The following WRN variants were observed in gnomAD, a reference collection of about 807,000 sequenced individuals.
WRN encodes bifunctional 3'-5' exonuclease/ATP-dependent helicase WRN.
A neutral mutation model predicts 180.7 loss-of-function variants in WRN; 149 were observed. The ratio of observed to expected loss-of-function variants is 0.82; its 90% CI spans 0.72 to 0.94. The LOEUF is 0.94. WRN is among the 40% of genes least tolerant of loss of function. The pLI, the probability that WRN is intolerant of heterozygous loss-of-function variation, is 0.00. For missense variants in WRN, 1,661 were observed against 1,700.1 expected (o/e 0.98, Z 0.40); for synonymous variants, 548 against 568.9 (o/e 0.96, Z 0.52).
chr8:31,114,080 G>T (rs956651096), intron 19 of WRN, among the ~76,000 whole-genome samples: 1 of 152,092 alleles, frequency 6.6e-6, no homozygotes, highest in African/African-American at 2.4e-5. Context: ...ACCATTGAGA[G>T]TCAGAATGCT....
intron 34 of WRN, 100 bp from the exon 35 acceptor site, chr8:31,172,895 G>T: frequency 1.0e-6 from 1 of 961,794 alleles, no homozygotes; most frequent in Non-Finnish European, 1.6e-6. Context: ...GGGGGAGAAA[G>T]GATGGGTGTG....
At chr8:31,150,266 C>A in intron 30 of WRN, 75 bp from the exon 31 acceptor site, 1 of 1,192,116 alleles carries the variant, frequency 8.4e-7, no homozygotes, top group Non-Finnish European at 1.3e-6. Context: ...TGAACATCAG[C>A]TATATTGCTG....
At chr8:31,124,260 A>G (rs1434077139) in intron 21 of WRN, among the ~76,000 whole-genome samples, 2 of 152,104 alleles carry the variant, frequency 1.3e-5, no homozygotes, top group Admixed American at 1.3e-4. Flanking sequence ...CAAAGCAGCT[A>G]AAGAATTGAT....
chr8:31,094,811 A>G (rs1357532391), intron 16 of WRN, among the ~76,000 whole-genome samples: 1 of 152,110 alleles, frequency 6.6e-6, no homozygotes, highest in Non-Finnish European at 1.5e-5. Context: ...GTCTTTTTTT[A>G]TGACTGAATA....
At chr8:31,143,515 CT>C (rs35758300) in intron 27 of WRN, 34 bp from the exon 28 acceptor site, 7 of 1,461,080 alleles carry the variant, frequency 4.8e-6, no homozygotes, top group African/African-American at 1.4e-5. Flanking sequence ...TTTTTTGAAA[CT>C]TTTTTTAATG....
intron 24 of WRN, 148 bp from the exon 25 acceptor site, chr8:31,141,282 G>C: frequency 1.1e-6 from 1 of 914,514 alleles, no homozygotes; most frequent in Non-Finnish European, 1.7e-6. Flanking sequence ...GGAGTGTTCA[G>C]AATGAGCACG....
intron 30 of WRN, among the ~76,000 whole-genome samples, chr8:31,149,456 T>G (rs1475755599): frequency 1.6e-3 from 3 of 1,888 alleles, no homozygotes; most frequent in Non-Finnish European, 4.2e-3. Flanking sequence ...AATAGAGGTG[T>G]TTTTTTTTTT....
chr8:31,092,084 GAAA>G (rs1357828230), intron 16 of WRN, among the ~76,000 whole-genome samples, 186 bp downstream of exon 16: 1 of 150,094 alleles, frequency 6.7e-6, no homozygotes, highest in Non-Finnish European at 1.5e-5. Flanking sequence ...CTAAATGCAT[GAAA>G]AAAAAAGTCC....
chr8:31,055,086 A>G (rs1812218002), intron 1 of WRN, among the ~76,000 whole-genome samples: 1 of 152,108 alleles, frequency 6.6e-6, no homozygotes, highest in African/African-American at 2.4e-5. Context: ...ATTCCATTTT[A>G]TATGTACCAC....
At chr8:31,151,902 T>A (rs78005222) in intron 31 of WRN, among the ~76,000 whole-genome samples, 437 of 83,174 alleles carry the variant, frequency 5.3e-3, no homozygotes, top group Middle Eastern at 0.013. Flanking sequence ...TAGCCTTTTA[T>A]TTTTTTTTTA....
chr8:31,152,032 A>G (rs1403182381), intron 31 of WRN, among the ~76,000 whole-genome samples: 1 of 152,146 alleles, frequency 6.6e-6, no homozygotes, highest in Non-Finnish European at 1.5e-5. Flanking sequence ...TTATATAAAT[A>G]CATTTTTTGA....
At chr8:31,161,573 T>C (rs1803616891) in intron 33 of WRN, among the ~76,000 whole-genome samples, 1 of 152,164 alleles carries the variant, frequency 6.6e-6, no homozygotes, top group African/African-American at 2.4e-5. Flanking sequence ...GCATGGTGGC[T>C]CACGCCTGTA....
At chr8:31,166,960 A>C in intron 33 of WRN, 62 bp from the exon 34 acceptor site, 1 of 1,487,226 alleles carries the variant, frequency 6.7e-7, no homozygotes, top group Non-Finnish European at 9.3e-7. Context: ...TTTCTAGCTC[A>C]TAGGTTTTCT....
At chr8:31,076,123 T>TA in intron 7 of WRN, 50 bp from the exon 8 acceptor site, 1 of 1,420,528 alleles carries the variant, frequency 7.0e-7, no homozygotes, top group Non-Finnish European at 1.0e-6. Flanking sequence ...GCTAAATGAA[T>TA]ATCTCTGCTT....
intron 27 of WRN, among the ~76,000 whole-genome samples, 179 bp downstream of exon 27, chr8:31,142,880 G>T (rs1003811767): frequency 6.6e-6 from 1 of 152,070 alleles, no homozygotes; most frequent in Non-Finnish European, 1.5e-5. Flanking sequence ...AATTTCTGGG[G>T]CTAATAAAGA....
intron 1 of WRN, among the ~76,000 whole-genome samples, chr8:31,044,865 A>T (rs751388321): frequency 6.6e-6 from 1 of 152,194 alleles, no homozygotes; most frequent in Non-Finnish European, 1.5e-5. Context: ...TGCTTTTACA[A>T]AGGGATGTAA....
chr8:31,059,785 GGTGGCTCAGGCCT>G (rs1812417132), intron 3 of WRN, among the ~76,000 whole-genome samples: 1 of 152,110 alleles, frequency 6.6e-6, no homozygotes, highest in Admixed American at 6.5e-5. Flanking sequence ...GGCCAGGCGC[GGTGGCTCAGGCCT>G]GTAATCCCAG....
chr8:31,141,639 G>T, intron 25 of WRN, 39 bp downstream of exon 25: 1 of 1,614,070 alleles, frequency 6.2e-7, no homozygotes. Context: ...ACTTAATTTT[G>T]TTTCCCACTC....
intron 7 of WRN, among the ~76,000 whole-genome samples, chr8:31,069,558 G>A (rs1387524723): frequency 1.3e-5 from 2 of 152,198 alleles, no homozygotes; most frequent in Non-Finnish European, 2.9e-5. Flanking sequence ...TGATGCGTAG[G>A]CATTTTATAA....
Sources: gnomAD v4.1 joint callset for allele counts (sites outside exome capture counted in the v4.1 genomes callset) on GRCh38, gnomAD v4.1.1 for gene constraint, MANE v1.5 for transcripts, NCBI Gene and HGNC (gene_info 2026-07-23, HGNC 2026-07-21) for gene names.